Variants in CALN1 observed in about 807,000 individuals in gnomAD.
CALN1 encodes the protein calneuron 1, also known as calcium-binding protein 8.
Under a neutral mutation model 30.6 loss-of-function variants are expected in CALN1, and 17 were observed. The ratio of observed to expected loss-of-function variants is 0.56; its 90% CI spans 0.38 to 0.83. The LOEUF (loss-of-function observed/expected upper bound fraction) is 0.83. Ranked by LOEUF, CALN1 falls within the 40% of genes least tolerant of loss-of-function variation. CALN1 has a pLI of 0.00. For synonymous variants in CALN1, 156 were observed against 131.4 expected, an observed-to-expected ratio of 1.19 and a Z score of -1.28; for missense variants, 291 against 354.9, an observed-to-expected ratio of 0.82 and a Z score of 1.45.
intron 2 of CALN1, among the ~76,000 whole-genome samples, chr7:72,392,473 A>T (rs566113776): frequency 1.3e-5 from 2 of 152,108 alleles, no homozygotes; most frequent in Non-Finnish European, 2.9e-5. Context: ...GATGGGAGAG[A>T]CTGAGGAAGG....
intron 5 of CALN1, among the ~76,000 whole-genome samples, chr7:71,976,190 T>C (rs1029289777): frequency 3.3e-5 from 5 of 152,068 alleles, no homozygotes; most frequent in African/African-American, 7.2e-5. Context: ...GATACACTGA[T>C]GTAAAACACA....
intron 3 of CALN1, among the ~76,000 whole-genome samples, chr7:72,142,405 C>G (rs189403149): frequency 6.6e-6 from 1 of 152,152 alleles, no homozygotes; most frequent in Admixed American, 6.5e-5. Context: ...CGAACTACAA[C>G]GCGGCAGCGA....
chr7:72,188,784 C>T (rs150406188), intron 3 of CALN1, among the ~76,000 whole-genome samples: 1 of 152,164 alleles, frequency 6.6e-6, no homozygotes, highest in Non-Finnish European at 1.5e-5. Context: ...AGGATAGAGC[C>T]GTTGTGTAGC....
rs1795875103 is a variant in CALN1, at chr7:72,255,866, GATTA to G, written c.244+22816_244+22819del. ...CTGCCTCAGCCTCCTGAGTAGCTGC[GATTA>G]CAGATGCGCACCAGCACGCTGGCTA... On this transcript the variant is annotated intron_variant, in intron 3 of 6. Transcript: ENST00000395275. Among the ~76,000 whole-genome samples, 3 of 152,068 alleles carry G rather than the reference GATTA, an allele frequency of 2.0e-5. No individual in the cohort carries two copies. The South Asian group carries it at 6.2e-4, about 32-fold the overall frequency.
intron 2 of CALN1, among the ~76,000 whole-genome samples, chr7:72,333,245 A>ACAGTGTTCACAG (rs1801792167): frequency 6.6e-6 from 1 of 152,220 alleles, no homozygotes; most frequent in Non-Finnish European, 1.5e-5. Context: ...ACAAATGTTC[A>ACAGTGTTCACAG]ACCCTAACAC....
intron 3 of CALN1, among the ~76,000 whole-genome samples, chr7:72,148,100 A>AT (rs2129543927): frequency 7.3e-6 from 1 of 137,512 alleles, no homozygotes; most frequent in South Asian, 2.8e-4. Flanking sequence ...ATAAAAAAAA[A>AT]TAAAAAAAAA....
At chr7:72,192,225 C>A (rs571541168) in intron 3 of CALN1, among the ~76,000 whole-genome samples, 13 of 152,298 alleles carry the variant, frequency 8.5e-5, no homozygotes, top group African/African-American at 2.9e-4. Context: ...CAAACCTGTA[C>A]AACGTGTTAC....
chr7:72,195,113 G>C (rs1416654090), intron 3 of CALN1, among the ~76,000 whole-genome samples: 1 of 152,136 alleles, frequency 6.6e-6, no homozygotes, highest in African/African-American at 2.4e-5. Context: ...ACATTGCCAA[G>C]TGCCTTCATG....
intron 4 of CALN1, among the ~76,000 whole-genome samples, chr7:72,063,522 G>C (rs1361054686): frequency 6.6e-6 from 1 of 152,124 alleles, no homozygotes; most frequent in Non-Finnish European, 1.5e-5. Context: ...TAGAGGCCTG[G>C]CATCTTGAGT....
intron 5 of CALN1, among the ~76,000 whole-genome samples, chr7:71,838,809 T>C (rs1421838799): frequency 6.6e-6 from 1 of 152,166 alleles, no homozygotes; most frequent in Non-Finnish European, 1.5e-5. Flanking sequence ...TGTAGCCATG[T>C]GAAGAAGGAC....
At chr7:71,987,971 G>C (rs1442310483) in intron 5 of CALN1, among the ~76,000 whole-genome samples, 1 of 152,154 alleles carries the variant, frequency 6.6e-6, no homozygotes, top group East Asian at 1.9e-4. Flanking sequence ...GGAGAGCAGT[G>C]GGGGAAGGGA....
Position 72,148,962 on chromosome 7 carries a change from AAGGGAGGG to A in CALN1, c.245-42676_245-42669del, listed in dbSNP as rs1236888187. ...GAAGGAAGGAAGGAAGGAAAGAAGGAAGGGAGGGAGGGAGGGAGGGAGGAAGGAAGGAA... is the reference window on the plus strand; with the variant it reads ...GAAGGAAGGAAGGAAGGAAAGAAGGAAGGGAGGGAGGGAGGAAGGAAGGAA... On this transcript the variant is annotated intron_variant, in intron 3 of 6. Coordinates refer to ENST00000395275, the MANE Select transcript of CALN1 (RefSeq NM_031468.4). Among the ~76,000 whole-genome samples, 11 of 138,278 alleles carry A rather than the reference AAGGGAGGG, an allele frequency of 8.0e-5. No individual in the cohort carries two copies. The South Asian group carries it at 8.0e-4, about 10-fold the overall frequency. 90.7% of individuals were successfully genotyped at this position (138,278 alleles called of 152,430 possible). A position where few individuals can be genotyped will look rare whatever the true frequency, so the allele number is the denominator to read the frequency against.
At chr7:71,861,455 C>T (rs1248261106) in intron 5 of CALN1, among the ~76,000 whole-genome samples, 4 of 151,962 alleles carry the variant, frequency 2.6e-5, no homozygotes, top group African/African-American at 9.7e-5. Context: ...TCAGAAAGAT[C>T]TCATAGGTTA....
rs1268740155 is a variant in CALN1, at chr7:72,435,226, T to A, written c.-226+11816A>T. Among the ~76,000 whole-genome samples the A allele has an allele frequency of 6.4e-5, 8 of 124,752 alleles. No individual in the cohort carries two copies. In the East Asian group the frequency reaches 1.1e-3, roughly 17 times the overall value. 81.8% of individuals were successfully genotyped at this position (124,752 alleles called of 152,430 possible). ...CTCCAGCCTGGGCAACAGAGCCAAATCCAGTCTCTAAGGAAAAAAAAAAAA... is the reference window on the plus strand; with the variant it reads ...CTCCAGCCTGGGCAACAGAGCCAAAACCAGTCTCTAAGGAAAAAAAAAAAA... On this transcript the variant is annotated intron_variant, in intron 1 of 6. Coordinates refer to the CALN1 transcript ENST00000395276.
At chr7:72,073,712 G>A (rs577172036) in intron 4 of CALN1, among the ~76,000 whole-genome samples, 3 of 133,432 alleles carry the variant, frequency 2.2e-5, no homozygotes, top group Non-Finnish European at 3.1e-5. Flanking sequence ...CTTCCTTTTC[G>A]GGACAGGATC....
chr7:72,011,361 A>G (rs1800071897), intron 5 of CALN1, among the ~76,000 whole-genome samples: 1 of 152,080 alleles, frequency 6.6e-6, no homozygotes, highest in South Asian at 2.1e-4. Context: ...AGGTGGCTGT[A>G]GCCACCTCCC....
intron 2 of CALN1, among the ~76,000 whole-genome samples, chr7:72,379,076 T>C (rs1331222494): frequency 2.0e-5 from 3 of 152,226 alleles, no homozygotes; most frequent in Non-Finnish European, 4.4e-5. Context: ...CCTTTTTATA[T>C]AATATTTTTT....
chr7:72,130,660 TAAG>T (rs1323058416), intron 3 of CALN1, among the ~76,000 whole-genome samples: 2 of 152,076 alleles, frequency 1.3e-5, no homozygotes, highest in African/African-American at 2.4e-5. Context: ...GTGATGGTGA[TAAG>T]GAGGAGGAGG....
chr7:72,406,554 C>A (rs535495191), intron 1 of CALN1, among the ~76,000 whole-genome samples: 1 of 152,168 alleles, frequency 6.6e-6, no homozygotes, highest in South Asian at 2.1e-4. Flanking sequence ...GATTTTTGAG[C>A]CCCAGTCTTG....
Sources: gnomAD v4.1 joint callset for allele counts (sites outside exome capture counted in the v4.1 genomes callset) on GRCh38, gnomAD v4.1.1 for gene constraint, MANE v1.5 for transcripts, NCBI Gene and HGNC (gene_info 2026-07-23, HGNC 2026-07-21) for gene names.